CLSTN2: variants seen among roughly 807,000 people sequenced by gnomAD.
CLSTN2 encodes calsyntenin 2, also known as calsyntenin-2.
Under a neutral mutation model 101.2 loss-of-function variants are expected in CLSTN2, and 48 were observed. That is an observed-to-expected ratio of 0.47 (90% CI 0.38 to 0.60). The LOEUF (loss-of-function observed/expected upper bound fraction) is 0.60, where lower values mean the gene tolerates loss of function less well. Among genes scored for constraint, CLSTN2 ranks in the 20% least tolerant of loss-of-function variants. CLSTN2 has a pLI of 0.00. For missense variants in CLSTN2, 1,160 were observed against 1,238.2 expected, an observed-to-expected ratio of 0.94 and a Z score of 0.95; for synonymous variants, 481 against 463.6, an observed-to-expected ratio of 1.04 and a Z score of -0.48.
intron 1 of CLSTN2, among the ~76,000 whole-genome samples, chr3:140,066,529 A>C (rs1673827303): frequency 6.6e-6 from 1 of 152,214 alleles, no homozygotes; most frequent in Non-Finnish European, 1.5e-5. Flanking sequence ...CTAGAAAGGA[A>C]GAGGATTAGG....
chr3:140,200,397 C>T (rs376357735), intron 2 of CLSTN2, among the ~76,000 whole-genome samples: 23 of 151,984 alleles, frequency 1.5e-4, no homozygotes, highest in Non-Finnish European at 2.2e-4. Context: ...ACGTAATGAC[C>T]GCCAAAAAGA....
chr3:140,087,544 A>G (rs918824072), intron 1 of CLSTN2, among the ~76,000 whole-genome samples: 2 of 152,198 alleles, frequency 1.3e-5, no homozygotes, highest in Non-Finnish European at 2.9e-5. Flanking sequence ...GATCCTTCCC[A>G]TCATCAATTT....
intron 1 of CLSTN2, among the ~76,000 whole-genome samples, chr3:139,989,947 C>T (rs1427181746): frequency 6.6e-6 from 1 of 152,184 alleles, no homozygotes; most frequent in Non-Finnish European, 1.5e-5. Context: ...TTGATCCTCC[C>T]ATTATTTTTT....
At chr3:139,983,250 G>A (rs1037832549) in intron 1 of CLSTN2, among the ~76,000 whole-genome samples, 14 of 151,966 alleles carry the variant, frequency 9.2e-5, no homozygotes, top group Admixed American at 9.2e-4. Context: ...TTCCACTCTT[G>A]TGGAAATCTG....
chr3:140,530,791 G>C (rs1935240085), intron 8 of CLSTN2, among the ~76,000 whole-genome samples: 1 of 152,192 alleles, frequency 6.6e-6, no homozygotes. Context: ...ACAGGGCATG[G>C]GGTATGGTCA....
chr3:140,209,100 C>A (rs557071495), intron 2 of CLSTN2, among the ~76,000 whole-genome samples: 71 of 152,334 alleles, frequency 4.7e-4, no homozygotes, highest in African/African-American at 1.5e-3. Flanking sequence ...CCCATTCTGT[C>A]TACTCCACTC....
At chr3:140,282,217 G>A (rs1164277046) in intron 2 of CLSTN2, among the ~76,000 whole-genome samples, 1 of 152,180 alleles carries the variant, frequency 6.6e-6, no homozygotes, top group African/African-American at 2.4e-5. Context: ...GCTTGGCTTT[G>A]ATGCTTCCTG....
chr3:139,936,104 C>CGAG (rs1441045185), intron 1 of CLSTN2, among the ~76,000 whole-genome samples: 1 of 152,158 alleles, frequency 6.6e-6, no homozygotes, highest in Non-Finnish European at 1.5e-5. Context: ...TACCGAGGAC[C>CGAG]GAGGAGCCTA....
At chr3:140,045,083 T>C (rs1009459439) in intron 1 of CLSTN2, among the ~76,000 whole-genome samples, 6 of 152,208 alleles carry the variant, frequency 3.9e-5, no homozygotes, top group Non-Finnish European at 7.3e-5. Flanking sequence ...TTCTATTGAT[T>C]GGAATAGTTT....
chr3:140,176,145 A>G (rs2010321462), intron 2 of CLSTN2, 72 bp downstream of exon 2: 2 of 1,555,224 alleles, frequency 1.3e-6, no homozygotes, highest in Non-Finnish European at 1.8e-6. Context: ...CACAAAGCCC[A>G]GAATATGGCT....
At chr3:140,018,258 T>C (rs567598204) in intron 1 of CLSTN2, among the ~76,000 whole-genome samples, 45 of 152,352 alleles carry the variant, frequency 3.0e-4, no homozygotes, top group African/African-American at 1.1e-3. Context: ...AATGGTCAGA[T>C]GAAAACCCAC....
chr3:140,362,616 A>G (rs535216821), intron 2 of CLSTN2, among the ~76,000 whole-genome samples: 1 of 152,166 alleles, frequency 6.6e-6, no homozygotes, highest in African/African-American at 2.4e-5. Context: ...CAATTTAATA[A>G]TAAGAGAAAA....
intron 1 of CLSTN2, among the ~76,000 whole-genome samples, chr3:140,004,984 T>A (rs185237345): frequency 1.1e-3 from 170 of 152,314 alleles, no homozygotes; most frequent in African/African-American, 3.7e-3. Flanking sequence ...ACAAGTGCTG[T>A]TGCATTAGGT....
At position 140,566,455 on chromosome 3, in the gene CLSTN2, T is replaced by C; in HGVS notation, c.*202T>C. 1.7e-6 allele frequency: 1 copy of C among 603,686 alleles called. No homozygotes were observed. The highest frequency in any genetic ancestry group is 3.0e-6 in the Non-Finnish European group (1 of 338,786). 37.4% of individuals were successfully genotyped at this position (603,686 alleles called of 1,614,324 possible). On this transcript the variant is annotated 3_prime_UTR_variant, in exon 17 of 17. Transcript: ENST00000458420. Reference sequence around the variant, plus strand: ...AGTTCCAAGAAGCCCAGCATGGCCATCAGTGAGGACTTCAGGGTAGACTTT... The same window carrying C: ...AGTTCCAAGAAGCCCAGCATGGCCACCAGTGAGGACTTCAGGGTAGACTTT...
intron 1 of CLSTN2, among the ~76,000 whole-genome samples, chr3:139,964,552 A>G (rs920630070): frequency 1.3e-5 from 2 of 152,138 alleles, no homozygotes; most frequent in Admixed American, 6.5e-5. Context: ...GGAACCTGCC[A>G]TTGTGCCTTG....
intron 2 of CLSTN2, among the ~76,000 whole-genome samples, chr3:140,317,408 G>A (rs2087240210): frequency 6.6e-6 from 1 of 152,066 alleles, no homozygotes; most frequent in Admixed American, 6.5e-5. Flanking sequence ...AGACCTGCTG[G>A]CAGCCTCCCA....
At chr3:140,338,429 A>G (rs753025692) in intron 2 of CLSTN2, among the ~76,000 whole-genome samples, 2 of 152,234 alleles carry the variant, frequency 1.3e-5, no homozygotes. Context: ...CCTGGGTTCA[A>G]GTCTCAGCTC....
intron 2 of CLSTN2, among the ~76,000 whole-genome samples, chr3:140,239,033 G>T (rs943609514): frequency 6.6e-6 from 1 of 152,030 alleles, no homozygotes; most frequent in African/African-American, 2.4e-5. Flanking sequence ...AAATAATATT[G>T]CTGTACTTTT....
At chr3:140,419,432 G>C (rs1365382087) in intron 4 of CLSTN2, among the ~76,000 whole-genome samples, 2 of 136,098 alleles carry the variant, frequency 1.5e-5, no homozygotes, top group Non-Finnish European at 3.1e-5. Context: ...GCAGGGAGCC[G>C]AGATCATGCC....
Sources: gnomAD v4.1 joint callset for allele counts (sites outside exome capture counted in the v4.1 genomes callset) on GRCh38, gnomAD v4.1.1 for gene constraint, MANE v1.5 for transcripts, NCBI Gene and HGNC (gene_info 2026-07-23, HGNC 2026-07-21) for gene names.